DOCK9: variants seen among roughly 807,000 people sequenced by gnomAD.
The protein encoded by DOCK9 is dedicator of cytokinesis 9, also known as dedicator of cytokinesis protein 9.
Under a neutral mutation model 263.3 loss-of-function variants are expected in DOCK9, and 89 were observed. The observed-to-expected ratio is 0.34, with a 90% confidence interval of 0.28 to 0.40. DOCK9 has a LOEUF of 0.40. Among genes scored for constraint, DOCK9 ranks in the 10% least tolerant of loss-of-function variants. The pLI is 1.00. For missense variants in DOCK9, 2,140 were observed against 2,603.4 expected (o/e 0.82, Z 3.87); for synonymous variants, 976 against 973.1 (o/e 1.00, Z -0.06).
At chr13:98,841,178 A>C (rs995093260) in intron 38 of DOCK9, among the ~76,000 whole-genome samples, 16 of 152,238 alleles carry the variant, frequency 1.1e-4, no homozygotes, top group African/African-American at 3.6e-4. Flanking sequence ...GACAAAAAAA[A>C]CAAATATGCT....
chr13:98,877,966 C>T (rs2044137526), intron 27 of DOCK9, among the ~76,000 whole-genome samples: 2 of 152,204 alleles, frequency 1.3e-5, no homozygotes, highest in Admixed American at 6.5e-5. Flanking sequence ...CCCTCGAATT[C>T]ATATGTTGAA....
At chr13:98,930,880 G>A (rs2053809300) in intron 2 of DOCK9, among the ~76,000 whole-genome samples, 1 of 152,180 alleles carries the variant, frequency 6.6e-6, no homozygotes, top group Non-Finnish European at 1.5e-5. Flanking sequence ...CTAATCTCAG[G>A]TGATCCACCC....
At chr13:98,920,568 G>C (rs1421703838) in intron 7 of DOCK9, among the ~76,000 whole-genome samples, 1 of 152,188 alleles carries the variant, frequency 6.6e-6, no homozygotes. Flanking sequence ...CACCGCCACT[G>C]GTACTACAAT....
At chr13:98,859,282 C>T (rs968449938) in intron 33 of DOCK9, 1 of 152,184 alleles carries the variant, frequency 6.6e-6, no homozygotes, top group Non-Finnish European at 1.5e-5. Context: ...GAGCATTTAC[C>T]GTGTGCCAGG....
chr13:99,040,195 C>T (rs767129981), intron 1 of DOCK9, among the ~76,000 whole-genome samples: 1 of 152,128 alleles, frequency 6.6e-6, no homozygotes, highest in Non-Finnish European at 1.5e-5. Context: ...GAGAAGTCAC[C>T]ATCTTCAAAC....
chr13:99,043,281 C>T (rs1595971063), intron 1 of DOCK9, among the ~76,000 whole-genome samples: 1 of 152,248 alleles, frequency 6.6e-6, no homozygotes, highest in African/African-American at 2.4e-5. Context: ...TATCATCAGT[C>T]TATTCCTTGC....
intron 47 of DOCK9, chr13:98,808,722 A>C (rs772172259): frequency 1.0e-5 from 13 of 1,300,218 alleles, no homozygotes; most frequent in Non-Finnish European, 1.3e-5. Flanking sequence ...AAGGTTATAT[A>C]ATGCTCATAG....
chr13:98,844,436 T>C (rs2093328413), intron 38 of DOCK9, among the ~76,000 whole-genome samples: 1 of 152,192 alleles, frequency 6.6e-6, no homozygotes, highest in Non-Finnish European at 1.5e-5. Context: ...CAGTCTTAGC[T>C]CACTGCAACC....
At chr13:99,031,462 A>T (rs1197065331) in intron 1 of DOCK9, among the ~76,000 whole-genome samples, 1 of 152,252 alleles carries the variant, frequency 6.6e-6, no homozygotes, top group Admixed American at 6.5e-5. Context: ...TGAGGATAAT[A>T]TAAGAAGGAA....
intron 15 of DOCK9, among the ~76,000 whole-genome samples, chr13:98,891,412 ACT>A (rs887865993): frequency 6.6e-5 from 10 of 152,202 alleles, no homozygotes; most frequent in Non-Finnish European, 1.0e-4. Flanking sequence ...AGTTAGAAAT[ACT>A]CTGTTTATTA....
At chr13:98,917,117 T>C (rs1284837818) in intron 7 of DOCK9, among the ~76,000 whole-genome samples, 5 of 152,198 alleles carry the variant, frequency 3.3e-5, no homozygotes, top group South Asian at 2.1e-4. Context: ...GAGACTTCCA[T>C]TGAAGTCAGA....
Position 98,850,051 on chromosome 13 carries a change from A to C in DOCK9, c.4009T>G (p.Ser1337Ala). The change falls in exon 36 of 53, where the codon TCT becomes GCT. Residue 1337 changes from serine to alanine, a missense_variant. By Grantham distance (99) the Ser-to-Ala change is moderately conservative. Transcript: ENST00000682017. ...TSELMDFFTI[S>A]EVCLHQFQYM... ...ATCAAAGAGAAAGCTACTTACTCAG[A>C]TATTGTAAAAAAATCCATAAGTTCA... is the stretch of plus-strand genomic sequence containing the variant. The C allele has an allele frequency of 6.4e-7, 1 of 1,565,862 alleles. No individual in the cohort carries two copies. The highest frequency in any genetic ancestry group is 8.7e-7 in the Non-Finnish European group (1 of 1,155,818).
At chr13:99,062,594 C>T in intron 1 of DOCK9, among the ~76,000 whole-genome samples, 1 of 152,206 alleles carries the variant, frequency 6.6e-6, no homozygotes, top group African/African-American at 2.4e-5. Flanking sequence ...ATGAGGGGCA[C>T]TTGTCTGCAT....
intron 41 of DOCK9, among the ~76,000 whole-genome samples, chr13:98,830,245 G>A (rs2092706665): frequency 6.6e-6 from 1 of 152,160 alleles, no homozygotes. Context: ...TTACCCAGTT[G>A]CTTGAGCTAA....
At chr13:98,860,592 G>T in intron 32 of DOCK9, 70 bp from the exon 33 acceptor site, 5 of 1,434,574 alleles carry the variant, frequency 3.5e-6, no homozygotes, top group Non-Finnish European at 4.7e-6. Flanking sequence ...TCTTGGAAGT[G>T]CCAGGGCAAG....
At chr13:98,818,829 CATT>C (rs2092077453) in intron 45 of DOCK9, among the ~76,000 whole-genome samples, 1 of 151,020 alleles carries the variant, frequency 6.6e-6, no homozygotes, top group Non-Finnish European at 1.5e-5. Context: ...AGCACACTAA[CATT>C]GTGTGTGTGT....
rs1259852019 is a variant in DOCK9 at position 98,956,760 on chromosome 13, TA to T, written c.127-1210del. Among the ~76,000 whole-genome samples, 6 of 150,840 alleles carry T rather than the reference TA, an allele frequency of 4.0e-5. No individual in the cohort carries two copies. In the East Asian group the frequency reaches 1.2e-3, roughly 29 times the overall value. On this transcript the variant is annotated intron_variant, in intron 1 of 52. Transcript: ENST00000682017. ...AGACTCCATCTCAAAAAACAAAAAT[TA>T]AAAAAAAAGTAAGTCCATTATATCA...
At chr13:98,906,248 G>A (rs1031367099) in intron 9 of DOCK9, among the ~76,000 whole-genome samples, 33 of 152,208 alleles carry the variant, frequency 2.2e-4, no homozygotes, top group African/African-American at 7.7e-4. Flanking sequence ...GAGGGAGAGG[G>A]TGAAAGTGAG....
At chr13:98,809,991 C>T (rs574125300) in intron 46 of DOCK9, among the ~76,000 whole-genome samples, 178 bp downstream of exon 46, 74 of 152,198 alleles carry the variant, frequency 4.9e-4, no homozygotes, top group Non-Finnish European at 7.8e-4. Flanking sequence ...CTGGGTGATA[C>T]CCGATGACTA....
Sources: allele counts gnomAD v4.1 joint callset (sites outside exome capture counted in the v4.1 genomes callset), GRCh38; gene constraint gnomAD v4.1.1; transcripts MANE v1.5; gene names NCBI Gene and HGNC (gene_info 2026-07-23, HGNC 2026-07-21).